MACROD2: variants seen among roughly 807,000 people sequenced by gnomAD.
MACROD2 encodes mono-ADP ribosylhydrolase 2, also known as ADP-ribose glycohydrolase MACROD2.
MACROD2 carries 36 observed loss-of-function variants against 70.4 expected under a neutral mutation model. That is an observed-to-expected ratio of 0.51 (90% confidence interval 0.39 to 0.68). The LOEUF is 0.68. Among genes scored for constraint, MACROD2 ranks in the 30% least tolerant of loss-of-function variants. The pLI is 0.00. For missense variants in MACROD2, 496 were observed against 538.4 expected, an observed-to-expected ratio of 0.92 and a Z score of 0.78; for synonymous variants, 172 against 178.8, an observed-to-expected ratio of 0.96 and a Z score of 0.30.
At chr20:14,221,709 A>C (rs2081676019) in intron 3 of MACROD2, among the ~76,000 whole-genome samples, 1 of 152,190 alleles carries the variant, frequency 6.6e-6, no homozygotes, top group African/African-American at 2.4e-5. Context: ...CCACAGAATG[A>C]GAGAAAGTAT....
chr20:14,247,903 T>C (rs2081980334), intron 3 of MACROD2, among the ~76,000 whole-genome samples: 2 of 152,310 alleles, frequency 1.3e-5, no homozygotes, highest in Non-Finnish European at 2.9e-5. Flanking sequence ...CTTATGTTTT[T>C]TCTTACCTAA....
chr20:15,749,241 T>C (rs2051231858), intron 8 of MACROD2, among the ~76,000 whole-genome samples: 1 of 152,124 alleles, frequency 6.6e-6, no homozygotes, highest in Non-Finnish European at 1.5e-5. Context: ...TTTCAGTTTG[T>C]TCAATACATC....
At chr20:14,394,582 GTGTCTTATAT>G (rs1238251916) in intron 3 of MACROD2, among the ~76,000 whole-genome samples, 2 of 151,710 alleles carry the variant, frequency 1.3e-5, no homozygotes, top group Non-Finnish European at 2.9e-5. Context: ...CCTTTTTTTA[GTGTCTTATAT>G]TGCCTTATCA....
intron 8 of MACROD2, among the ~76,000 whole-genome samples, chr20:15,564,560 C>T (rs1362161575): frequency 2.0e-5 from 3 of 152,104 alleles, no homozygotes; most frequent in Non-Finnish European, 2.9e-5. Flanking sequence ...ATTGTAGGTA[C>T]CGTGTCAACA....
chr20:15,239,770 A>G (rs1435236909), intron 6 of MACROD2, among the ~76,000 whole-genome samples: 1 of 152,228 alleles, frequency 6.6e-6, no homozygotes, highest in Non-Finnish European at 1.5e-5. Flanking sequence ...AAAGAAAGAA[A>G]TAGGTTAACA....
At chr20:15,077,191 C>CT (rs918350190) in intron 5 of MACROD2, among the ~76,000 whole-genome samples, 2 of 152,000 alleles carry the variant, frequency 1.3e-5, no homozygotes, top group African/African-American at 2.4e-5. Context: ...TCTTTAACTC[C>CT]TTTTTTTGTT....
In MACROD2 at chr20:15,403,674, A is replaced by G. The variant is rs189855753; in HGVS notation, c.541-27731A>G. ...TAAGTGGAAGTTTTCTGGAGATTTT[A>G]TAAAAATTTTTGTCTCTTAATATGA... On this transcript the variant is annotated intron_variant, in intron 6 of 17. Transcript: ENST00000684519. Among the ~76,000 whole-genome samples, 8 of 151,436 alleles carry G rather than the reference A, an allele frequency of 5.3e-5. No homozygotes were observed. In the East Asian group the frequency reaches 1.4e-3, roughly 26 times the overall value.
intron 6 of MACROD2, among the ~76,000 whole-genome samples, chr20:15,324,467 T>G (rs1425099743): frequency 6.6e-6 from 1 of 152,162 alleles, no homozygotes; most frequent in East Asian, 1.9e-4. Flanking sequence ...CTAACGCCTG[T>G]TTTGTATGAG....
At chr20:14,050,496 A>G (rs2053550257) in intron 2 of MACROD2, among the ~76,000 whole-genome samples, 1 of 152,152 alleles carries the variant, frequency 6.6e-6, no homozygotes. Flanking sequence ...ATGGCTTCAG[A>G]GACGGACAGA....
chr20:15,803,508 T>A (rs769869822), intron 8 of MACROD2, among the ~76,000 whole-genome samples: 1 of 152,146 alleles, frequency 6.6e-6, no homozygotes, highest in Admixed American at 6.5e-5. Flanking sequence ...GAGATCATTA[T>A]GTCAGAAGAA....
intron 8 of MACROD2, among the ~76,000 whole-genome samples, chr20:15,681,094 A>G (rs932115308): frequency 6.6e-6 from 1 of 152,162 alleles, no homozygotes; most frequent in Non-Finnish European, 1.5e-5. Flanking sequence ...TGAAGTGAAA[A>G]CGTCCACTCC....
At chr20:15,741,090 A>G (rs2051097681) in intron 8 of MACROD2, among the ~76,000 whole-genome samples, 1 of 137,932 alleles carries the variant, frequency 7.2e-6, no homozygotes, top group African/African-American at 2.7e-5. Flanking sequence ...CAGTTATCAT[A>G]TCTTTTTTTT....
At chr20:15,088,683 G>T (rs60918425) in intron 5 of MACROD2, among the ~76,000 whole-genome samples, 4,943 of 151,388 alleles carry the variant, frequency 0.033, 151 homozygotes, top group South Asian at 0.14. Flanking sequence ...TGAATTTTTT[G>T]ATTAGACATC....
chr20:16,012,062 A>G (rs2066870801), intron 15 of MACROD2, among the ~76,000 whole-genome samples: 2 of 152,196 alleles, frequency 1.3e-5, no homozygotes, highest in African/African-American at 2.4e-5. Context: ...ATGTGGGAAC[A>G]TGAAGAGATT....
At chr20:15,572,337 C>T (rs367852000) in intron 8 of MACROD2, among the ~76,000 whole-genome samples, 2 of 151,944 alleles carry the variant, frequency 1.3e-5, no homozygotes, top group Non-Finnish European at 2.9e-5. Flanking sequence ...TGCAATGAAA[C>T]CTGTTCTTAA....
At chr20:15,404,027 T>C (rs960330454) in intron 6 of MACROD2, among the ~76,000 whole-genome samples, 3 of 152,218 alleles carry the variant, frequency 2.0e-5, no homozygotes, top group African/African-American at 7.2e-5. Context: ...TTATATTTGA[T>C]GCCTATTTTG....
At chr20:15,938,988 T>C (rs1343886600) in intron 12 of MACROD2, among the ~76,000 whole-genome samples, 1 of 152,226 alleles carries the variant, frequency 6.6e-6, no homozygotes, top group African/African-American at 2.4e-5. Context: ...AGCAAGGTAC[T>C]AGCCCTCTTC....
intron 12 of MACROD2, among the ~76,000 whole-genome samples, chr20:15,965,002 A>T (rs942706584): frequency 6.6e-6 from 1 of 152,204 alleles, no homozygotes; most frequent in Non-Finnish European, 1.5e-5. Context: ...ACATAAAGAC[A>T]TGTATATTTG....
intron 5 of MACROD2, among the ~76,000 whole-genome samples, chr20:15,224,701 T>C (rs903313835): frequency 3.9e-5 from 6 of 152,150 alleles, no homozygotes; most frequent in Admixed American, 2.0e-4. Context: ...TCCCAACACT[T>C]TGGGAGACCA....
Sources: allele counts gnomAD v4.1 joint callset (sites outside exome capture counted in the v4.1 genomes callset), GRCh38; gene constraint gnomAD v4.1.1; transcripts MANE v1.5; gene names NCBI Gene and HGNC (gene_info 2026-07-23, HGNC 2026-07-21).